Variants in ZNF566 observed in about 807,000 individuals in gnomAD.
The protein encoded by ZNF566 is zinc finger protein 566.
ZNF566 carries 27 observed loss-of-function variants against 32.8 expected under a neutral mutation model. The ratio of observed to expected loss-of-function variants is 0.82; its 90% CI spans 0.61 to 1.14. The LOEUF is 1.14. Ranked by LOEUF, ZNF566 falls within the 50% of genes most tolerant of loss-of-function variation. The pLI, the probability that ZNF566 is intolerant of heterozygous loss-of-function variation, is 0.00. For synonymous variants in ZNF566, 154 were observed against 159.5 expected (o/e 0.97, Z 0.26); for missense variants, 402 against 490.4 (o/e 0.82, Z 1.70).
At chr19:36,451,813 CTGACCAACATGGTGA>C (rs1402612928) in intron 4 of ZNF566, among the ~76,000 whole-genome samples, 1 of 152,166 alleles carries the variant, frequency 6.6e-6, no homozygotes, top group Non-Finnish European at 1.5e-5. Flanking sequence ...TGAGACCAGC[CTGACCAACATGGTGA>C]AACCCTATCT....
intron 4 of ZNF566, among the ~76,000 whole-genome samples, chr19:36,455,785 A>T (rs1054463744): frequency 6.6e-6 from 1 of 151,390 alleles, no homozygotes; most frequent in Non-Finnish European, 1.5e-5. Flanking sequence ...TTATGCCTGT[A>T]ATCCCAGCAC....
chr19:36,450,952 G>A (rs1047987709), intron 4 of ZNF566, among the ~76,000 whole-genome samples: 14 of 152,160 alleles, frequency 9.2e-5, no homozygotes, highest in African/African-American at 3.1e-4. Flanking sequence ...GATATGCATC[G>A]TCTAATACAG....
At position 36,487,111 on chromosome 19, in the gene ZNF566, C is replaced by A. The variant is rs1259161775; in HGVS notation, c.-60+2375G>T. 1.2e-3 allele frequency among the ~76,000 whole-genome samples: 168 copies of A among 139,656 alleles called. 6 individuals are homozygous for A. The highest frequency in any genetic ancestry group is 1.8e-3 in the South Asian group (8 of 4,476). The allele number at this position is 139,656 out of a possible 152,430, so 91.6% of individuals were successfully genotyped here. A position where few individuals can be genotyped will look rare whatever the true frequency, so the allele number is the denominator to read the frequency against. On this transcript the variant is annotated intron_variant, in intron 1 of 4. Transcript: ENST00000452939. The stretch of plus-strand genomic sequence containing the variant: ...TCTCAAAAAAAAAAAAAAAAACAAA[C>A]CAAAACAAGACAAAACAAACCAAAA...
At chr19:36,477,945 T>C (rs527609419) in intron 1 of ZNF566, among the ~76,000 whole-genome samples, 2 of 152,332 alleles carry the variant, frequency 1.3e-5, no homozygotes, top group East Asian at 1.9e-4. Flanking sequence ...AATGTTTAAA[T>C]GTTTAAGAAA....
chr19:36,476,471 C>T, intron 2 of ZNF566, 78 bp downstream of exon 2: 1 of 1,348,832 alleles, frequency 7.4e-7, no homozygotes. Context: ...CAAAAAGCAT[C>T]ATCATGAGGA....
chr19:36,458,094 T>C (rs1453427729), intron 4 of ZNF566, among the ~76,000 whole-genome samples: 3 of 152,166 alleles, frequency 2.0e-5, no homozygotes, highest in East Asian at 3.9e-4. Context: ...AGCTTACTTC[T>C]GGGTATATAT....
At chr19:36,470,116 G>C (rs1002336755) in intron 4 of ZNF566, among the ~76,000 whole-genome samples, 2 of 152,046 alleles carry the variant, frequency 1.3e-5, no homozygotes, top group African/African-American at 4.8e-5. Context: ...GGTGCTTCAG[G>C]TTTCTGTCCT....
chr19:36,450,805 T>C (rs375056806), intron 4 of ZNF566, among the ~76,000 whole-genome samples: 9 of 152,322 alleles, frequency 5.9e-5, no homozygotes, highest in African/African-American at 2.2e-4. Flanking sequence ...TTATTAGCCA[T>C]ACTTGTTACG....
intron 1 of ZNF566, among the ~76,000 whole-genome samples, chr19:36,478,589 C>G (rs1014833152): frequency 6.7e-6 from 1 of 149,814 alleles, no homozygotes; most frequent in African/African-American, 2.5e-5. Context: ...ATCTGCTCCT[C>G]TCTTTTAAAT....
Position 36,446,855 on chromosome 19 carries a change from A to G in ZNF566, c.*2122T>C, listed in dbSNP as rs1174436268. 6.6e-6 allele frequency: 1 copy of G among 152,184 alleles called. No individual in the cohort carries two copies. The highest frequency in any genetic ancestry group is 1.5e-5 in the Non-Finnish European group (1 of 68,032). 9.4% of individuals were successfully genotyped at this position (152,184 alleles called of 1,614,324 possible). A position where few individuals can be genotyped will look rare whatever the true frequency, so the allele number is the denominator to read the frequency against. ...GAGACCCGTCTACACAGGATCTAAG[A>G]AAAAAGGAAGTGGGGCATAAAATAA... is the stretch of plus-strand genomic sequence containing the variant. On this transcript the variant is annotated 3_prime_UTR_variant, in exon 5 of 5. Transcript: ENST00000452939.
chr19:36,483,031 C>T (rs1187432381), intron 1 of ZNF566, among the ~76,000 whole-genome samples: 1 of 152,124 alleles, frequency 6.6e-6, no homozygotes, highest in East Asian at 1.9e-4. Flanking sequence ...GAATCAGTAC[C>T]ATGAGAATGT....
chr19:36,462,345 G>A (rs971150420), intron 4 of ZNF566, among the ~76,000 whole-genome samples: 3 of 152,024 alleles, frequency 2.0e-5, no homozygotes, highest in Non-Finnish European at 4.4e-5. Flanking sequence ...GTTCCTTTCT[G>A]GGATCTTCTT....
In ZNF566 at chr19:36,484,625, T is replaced by C. The variant is rs900467183; in HGVS notation, c.-60+4861A>G. Among the ~76,000 whole-genome samples, 6 of 142,588 alleles carry C rather than the reference T, an allele frequency of 4.2e-5. No homozygotes were observed. The Admixed American group carries it at 4.4e-4, about 10-fold the overall frequency. 93.5% of individuals were successfully genotyped at this position (142,588 alleles called of 152,430 possible). On this transcript the variant is annotated intron_variant, in intron 1 of 4. Transcript: ENST00000452939. ...TTTTTTTTGAGATGGAGTCTCGCTCTGTCACCCAGGCTGGGGTGCAGTGGC... is the reference window on the plus strand; with the variant it reads ...TTTTTTTTGAGATGGAGTCTCGCTCCGTCACCCAGGCTGGGGTGCAGTGGC...
At chr19:36,487,632 AT>A (rs1394655552) in intron 1 of ZNF566, among the ~76,000 whole-genome samples, 1 of 152,104 alleles carries the variant, frequency 6.6e-6, no homozygotes, top group Non-Finnish European at 1.5e-5. Context: ...AGACAGCCAG[AT>A]GCACTGGCTC....
chr19:36,471,488 C>A (rs1353550572), intron 4 of ZNF566, among the ~76,000 whole-genome samples: 1 of 152,112 alleles, frequency 6.6e-6, no homozygotes, highest in South Asian at 2.1e-4. Context: ...TGCATTCCTC[C>A]ATCTGGAGTG....
At chr19:36,486,446 T>G (rs558657290) in intron 1 of ZNF566, among the ~76,000 whole-genome samples, 2 of 152,122 alleles carry the variant, frequency 1.3e-5, no homozygotes, top group Admixed American at 6.5e-5. Flanking sequence ...ACAAGGCAGT[T>G]GGATCACCTG....
intron 4 of ZNF566, among the ~76,000 whole-genome samples, chr19:36,459,906 C>T (rs555341261): frequency 6.6e-5 from 10 of 151,390 alleles, no homozygotes; most frequent in African/African-American, 2.4e-4. Context: ...GCAACTTCCA[C>T]CTCCTGGGTT....
intron 4 of ZNF566, among the ~76,000 whole-genome samples, chr19:36,452,527 A>G (rs969765020): frequency 2.9e-4 from 44 of 149,744 alleles, no homozygotes; most frequent in African/African-American, 7.9e-4. Context: ...TTAAGTAGGG[A>G]AGATAGTTTG....
intron 4 of ZNF566, among the ~76,000 whole-genome samples, chr19:36,459,599 C>T (rs2033407789): frequency 6.6e-6 from 1 of 151,050 alleles, no homozygotes; most frequent in South Asian, 2.1e-4. Context: ...CAACCTCTGC[C>T]TTCCAGGTTC....
Sources: allele counts gnomAD v4.1 joint callset (sites outside exome capture counted in the v4.1 genomes callset), GRCh38; gene constraint gnomAD v4.1.1; transcripts MANE v1.5; gene names NCBI Gene and HGNC (gene_info 2026-07-23, HGNC 2026-07-21).